LRRC4C: variants seen among roughly 807,000 people sequenced by gnomAD.
LRRC4C encodes the protein leucine-rich repeat-containing protein 4C.
In LRRC4C, 5 loss-of-function variants were observed where a neutral mutation model predicts 33.6. The ratio of observed to expected loss-of-function variants is 0.15; its 90% confidence interval spans 0.08 to 0.31. The LOEUF is 0.31. Among genes scored for constraint, LRRC4C ranks in the 10% least tolerant of loss-of-function variants. The pLI is 1.00. For synonymous variants in LRRC4C, 329 were observed against 302.0 expected (o/e 1.09, Z -0.93); for missense variants, 560 against 796.7 (o/e 0.70, Z 3.58).
intron 1 of LRRC4C, among the ~76,000 whole-genome samples, chr11:41,100,856 G>A (rs933015525): frequency 7.9e-5 from 12 of 152,002 alleles, no homozygotes; most frequent in Non-Finnish European, 1.5e-4. Context: ...ATAAACAAAT[G>A]GAACAGAATA....
intron 2 of LRRC4C, among the ~76,000 whole-genome samples, chr11:40,809,105 C>T (rs374047065): frequency 6.6e-6 from 1 of 152,150 alleles, no homozygotes; most frequent in East Asian, 1.9e-4. Context: ...CCTCTCCAGA[C>T]TTCACTGTCT....
intron 1 of LRRC4C, among the ~76,000 whole-genome samples, chr11:41,294,420 T>C (rs1950080050): frequency 6.6e-6 from 1 of 152,208 alleles, no homozygotes; most frequent in Non-Finnish European, 1.5e-5. Context: ...TGTTCACCTC[T>C]GTACAGGATT....
At chr11:40,126,976 TAAAAAG>T (rs1856287558) in intron 6 of LRRC4C, among the ~76,000 whole-genome samples, 2 of 147,366 alleles carry the variant, frequency 1.4e-5, no homozygotes, top group African/African-American at 5.1e-5. Flanking sequence ...AAAAAATAAA[TAAAAAG>T]AAGAAGAGAA....
intron 3 of LRRC4C, among the ~76,000 whole-genome samples, chr11:40,401,364 C>A (rs1255539041): frequency 2.0e-5 from 3 of 151,984 alleles, no homozygotes; most frequent in Non-Finnish European, 4.4e-5. Context: ...ATAGACAAAG[C>A]AGTCTGTCAT....
chr11:40,828,179 T>A (rs1591821887), intron 2 of LRRC4C, among the ~76,000 whole-genome samples: 1 of 121,000 alleles, frequency 8.3e-6, no homozygotes, highest in African/African-American at 3.1e-5. Flanking sequence ...ACACACACAC[T>A]CAAAAACTAA....
At chr11:40,943,322 A>G (rs1261451360) in intron 1 of LRRC4C, among the ~76,000 whole-genome samples, 1 of 152,186 alleles carries the variant, frequency 6.6e-6, no homozygotes, top group Non-Finnish European at 1.5e-5. Flanking sequence ...TAACTGGCTC[A>G]TGATCACACG....
chr11:40,982,597 C>A (rs1852620005), intron 1 of LRRC4C, among the ~76,000 whole-genome samples: 1 of 152,130 alleles, frequency 6.6e-6, no homozygotes, highest in Admixed American at 6.6e-5. Context: ...CACTGCTATT[C>A]TGTGGACCAC....
intron 3 of LRRC4C, among the ~76,000 whole-genome samples, chr11:40,335,596 G>A (rs551424582): frequency 2.9e-4 from 44 of 152,354 alleles, no homozygotes; most frequent in African/African-American, 9.9e-4. Context: ...ACAATTGTTA[G>A]ATGTGCCAAA....
intron 1 of LRRC4C, among the ~76,000 whole-genome samples, chr11:41,097,584 C>T (rs1308041191): frequency 2.0e-5 from 3 of 152,104 alleles, no homozygotes; most frequent in Non-Finnish European, 4.4e-5. Context: ...CCTGAAATAA[C>T]ACCTAATGAA....
chr11:40,242,528 T>C (rs1865998322), intron 4 of LRRC4C, among the ~76,000 whole-genome samples: 1 of 152,210 alleles, frequency 6.6e-6, no homozygotes, highest in African/African-American at 2.4e-5. Context: ...TTAGGAGATG[T>C]AAATGTAATA....
chr11:40,924,432 TA>T (rs1957330320), intron 2 of LRRC4C, among the ~76,000 whole-genome samples: 1 of 138,620 alleles, frequency 7.2e-6, no homozygotes, highest in Non-Finnish European at 1.6e-5. Flanking sequence ...CTGTATGCCT[TA>T]AAAAATACTA....
intron 3 of LRRC4C, among the ~76,000 whole-genome samples, chr11:40,478,204 G>C (rs1469748652): frequency 1.3e-5 from 2 of 152,084 alleles, no homozygotes; most frequent in African/African-American, 4.8e-5. Flanking sequence ...AAAAGTCACT[G>C]GTTCTCTTAT....
chr11:41,423,937 TCATGGACG>T (rs68039490), intron 1 of LRRC4C: 27,886 of 151,792 alleles, frequency 0.18, 2,983 homozygotes, highest in African/African-American at 0.29. Context: ...GGTAACTGAA[TCATGGACG>T]CATGATTGTG....
At chr11:40,179,323 CT>C (rs1235222612) in intron 5 of LRRC4C, among the ~76,000 whole-genome samples, 6 of 152,078 alleles carry the variant, frequency 3.9e-5, no homozygotes, top group African/African-American at 7.2e-5. Flanking sequence ...TTTCTTAAAC[CT>C]TATTTAAATT....
intron 3 of LRRC4C, among the ~76,000 whole-genome samples, chr11:40,585,538 T>G (rs1476860164): frequency 6.6e-6 from 1 of 150,612 alleles, no homozygotes; most frequent in Non-Finnish European, 1.5e-5. Context: ...TAGTTACATA[T>G]GTATACACGT....
At chr11:40,746,945 T>C (rs996352258) in intron 2 of LRRC4C, among the ~76,000 whole-genome samples, 2 of 152,206 alleles carry the variant, frequency 1.3e-5, no homozygotes, top group African/African-American at 2.4e-5. Flanking sequence ...TTATCACCCG[T>C]GCCTCACCAG....
intron 2 of LRRC4C, among the ~76,000 whole-genome samples, chr11:40,837,772 C>A (rs571183743): frequency 6.6e-6 from 1 of 151,610 alleles, no homozygotes; most frequent in African/African-American, 2.4e-5. Flanking sequence ...ATTGCTTGAG[C>A]CCAGGAAATC....
At chr11:41,418,902 A>C (rs975938429) in intron 1 of LRRC4C, among the ~76,000 whole-genome samples, 1 of 152,026 alleles carries the variant, frequency 6.6e-6, no homozygotes, top group African/African-American at 2.4e-5. Flanking sequence ...TGAATTTTAA[A>C]TATTACCTTC....
At chr11:40,183,172 G>A (rs902977693) in intron 5 of LRRC4C, among the ~76,000 whole-genome samples, 1 of 152,150 alleles carries the variant, frequency 6.6e-6, no homozygotes, top group Non-Finnish European at 1.5e-5. Context: ...ACATACTGTA[G>A]TGAGGGAAGA....
Sources: gnomAD v4.1 joint callset for allele counts (sites outside exome capture counted in the v4.1 genomes callset) on GRCh38, gnomAD v4.1.1 for gene constraint, MANE v1.5 for transcripts, NCBI Gene and HGNC (gene_info 2026-07-23, HGNC 2026-07-21) for gene names.